Variants in MUS81 observed in about 807,000 individuals in gnomAD.
MUS81 encodes structure-specific endonuclease subunit MUS81.
Under a neutral mutation model 74.2 loss-of-function variants are expected in MUS81, and 69 were observed. The observed-to-expected ratio is 0.93, with a 90% CI of 0.77 to 1.14. The LOEUF (loss-of-function observed/expected upper bound fraction) is 1.14, where lower values mean the gene tolerates loss of function less well. MUS81 is among the 50% of genes most tolerant of loss of function. The probability of loss-of-function intolerance (pLI) is 0.00; values close to 1 mark genes in which losing one functional copy is unlikely to be tolerated. For synonymous variants in MUS81, 303 were observed against 300.6 expected (o/e 1.01, Z -0.08); for missense variants, 711 against 726.5 (o/e 0.98, Z 0.25).
In MUS81 at chr11:65,864,052, C is replaced by G. The variant is rs540943866; in HGVS notation, c.1059+151C>G. 13 of 727,998 alleles carry G rather than the reference C, an allele frequency of 1.8e-5. No homozygotes were observed. In the African/African-American group the frequency reaches 2.3e-4, roughly 13 times the overall value. 45.1% of individuals were successfully genotyped at this position (727,998 alleles called of 1,614,324 possible). On this transcript the variant is annotated intron_variant, in intron 10 of 15. Transcript: ENST00000308110. ...CCCTGTGGCTGCTCCAGGATCAGAC[C>G]CCCACAGGCCCATCCAGGCGCACAG...
rs1168485557 is a variant in MUS81 at position 65,863,870 on chromosome 11, G to T, written c.1028G>T (p.Ser343Ile). Reference sequence around the variant, plus strand: ...AAGCGACTGGATGACCTTTGCAGCAGCATCATCGACGGCCGCTTCCGGGAG... The same window carrying T: ...AAGCGACTGGATGACCTTTGCAGCATCATCATCGACGGCCGCTTCCGGGAG... ...ERKRLDDLCS[S>I]IIDGRFREQK... The change falls in exon 10 of 16, where the codon AGC becomes ATC. Residue 343 changes from serine to isoleucine, a missense_variant. Coordinates refer to ENST00000308110, the MANE Select transcript of MUS81 (RefSeq NM_025128.5). The T allele has an allele frequency of 1.2e-6, 2 of 1,614,056 alleles. No individual in the cohort carries two copies. Among genetic ancestry groups the T allele is most frequent in the African/African-American group, 2.7e-5 (2 of 74,930 alleles).
chr11:65,865,228 G>A lies in MUS81; in HGVS notation c.1410G>A (p.Ser470=), dbSNP rs749479231. ...CCCTTTCCCGAACCCAGGCCCAGTC[G>A]GTGCGAGAAGTGTTTGCCCGGCAGC... ...NAGAIKNKAQ[S]VREVFARQLM... Residue 470 remains serine, a synonymous_variant, in exon 14 of 16, where the codon TCG becomes TCA. Coordinates refer to ENST00000308110, the MANE Select transcript of MUS81 (RefSeq NM_025128.5). The A allele has an allele frequency of 8.7e-6, 14 of 1,614,006 alleles. No homozygotes were observed. Among genetic ancestry groups the A allele is most frequent in the Admixed American group, 3.3e-5 (2 of 60,002 alleles).
chr11:65,866,493 G>T (rs1274659017), downstream of MUS81: 1 of 702,696 alleles, frequency 1.4e-6, no homozygotes, highest in Admixed American at 2.0e-5. Flanking sequence ...GAACTACTAG[G>T]GCTTATCCAA....
At position 65,864,688 on chromosome 11, in the gene MUS81, C is replaced by G. The variant is rs770495082; in HGVS notation, c.1177-32C>G. On this transcript the variant is annotated intron_variant, in intron 11 of 15. Transcript: ENST00000308110. Reference sequence around the variant, plus strand: ...CATGGTTCATGGTCTAGGCCAGGAGCCACCTTCCCTCTCTTGGGTCCTCTT... The same window carrying G: ...CATGGTTCATGGTCTAGGCCAGGAGGCACCTTCCCTCTCTTGGGTCCTCTT... 3.1e-6 allele frequency: 5 copies of G among 1,613,128 alleles called. No individual in the cohort carries two copies. In the South Asian group the frequency reaches 5.5e-5, roughly 18 times the overall value.
chr11:65,860,608 T>G lies in MUS81; in HGVS notation c.-146T>G. 3 of 1,157,244 alleles carry G rather than the reference T, an allele frequency of 2.6e-6. No individual in the cohort carries two copies. The highest frequency in any genetic ancestry group is 3.7e-6 in the Non-Finnish European group (3 of 813,348). The allele number at this position is 1,157,244 out of a possible 1,614,324, so 71.7% of individuals were successfully genotyped here. ...CTCCTCTCGTTAGTGCCCCCTGTGTTTGGGGCCCCGTGATCTCAACGGTCC... is the reference window on the plus strand; with the variant it reads ...CTCCTCTCGTTAGTGCCCCCTGTGTGTGGGGCCCCGTGATCTCAACGGTCC... On this transcript the variant is annotated 5_prime_UTR_variant, in exon 1 of 16. Coordinates refer to ENST00000308110, the MANE Select transcript of MUS81 (RefSeq NM_025128.5).
chr11:65,865,055 G>A lies in MUS81; in HGVS notation c.1311G>A (p.Gly437=). The A allele has an allele frequency of 1.2e-6, 2 of 1,613,990 alleles. No homozygotes were observed. Among genetic ancestry groups the A allele is most frequent in the Non-Finnish European group, 1.7e-6 (2 of 1,180,006 alleles). The change falls in exon 13 of 16, where the codon GGG becomes GGA. Residue 437 remains glycine, a synonymous_variant. Coordinates refer to ENST00000308110, the MANE Select transcript of MUS81 (RefSeq NM_025128.5). ...TLRSRPWGTP[G]NPESGAMTSP... ...GCAGCCGCCCCTGGGGAACCCCTGG[G>A]AACCCTGAATCAGGGGCCATGACCT...
Position 65,864,524 on chromosome 11 carries a change from C to T in MUS81, c.1087C>T (p.Arg363Cys), listed in dbSNP as rs766623994. ...KFRLKRCGLERRVYLVEEHGS... is the reference protein window; with the variant it reads ...KFRLKRCGLECRVYLVEEHGS... ...CCGGCTGAAGCGCTGTGGTCTGGAG[C>T]GCCGGGTATACCTGGTGGAAGAGCA... The change falls in exon 11 of 16, where the codon CGC (arginine) becomes TGC (cysteine). Residue 363 changes from arginine to cysteine, a missense_variant. Arg to Cys is a radical substitution (Grantham distance 180). Transcript: ENST00000308110. 1.5e-5 allele frequency: 25 copies of T among 1,614,040 alleles called. No homozygotes were observed. Among genetic ancestry groups the T allele is most frequent in the African/African-American group, 5.3e-5 (4 of 74,938 alleles).
Position 65,860,545 on chromosome 11 carries a change from C to T in MUS81, c.-209C>T. On this transcript the variant is annotated 5_prime_UTR_variant, in exon 1 of 16. Transcript: ENST00000308110. ...TAGAGACAGCGCCCCTGACCAACCA[C>T]TTAGAGCAGCGCAGGGGTGGGAGGG... is the stretch of plus-strand genomic sequence containing the variant. The T allele has an allele frequency of 3.1e-6, 2 of 647,542 alleles. No individual in the cohort carries two copies. Among genetic ancestry groups the T allele is most frequent in the South Asian group, 1.9e-5 (1 of 54,018 alleles). 40.1% of individuals were successfully genotyped at this position (647,542 alleles called of 1,614,324 possible).
chr11:65,865,744 GCCCC>G, intron 14 of MUS81, 63 bp from the exon 15 acceptor site: 2 of 1,504,358 alleles, frequency 1.3e-6, no homozygotes, highest in South Asian at 2.3e-5. Flanking sequence ...CCTCTGCCTG[GCCCC>G]TCATGGTGCT....
intron 3 of MUS81, chr11:65,861,645 A>G (rs922211139): frequency 9.9e-6 from 6 of 606,310 alleles, no homozygotes; most frequent in Non-Finnish European, 1.7e-5. Context: ...CAAGCTACTT[A>G]AGGATCCCAG....
Position 65,860,954 on chromosome 11 carries a change from C to A in MUS81, c.136-19C>A, listed in dbSNP as rs747280900. ...GGTCAGGCCTGCCCTGACCAGGTAC[C>A]CTACCCCTGCCCGGCCAGGCGCTGC... is the stretch of plus-strand genomic sequence containing the variant. On this transcript the variant is annotated intron_variant, in intron 1 of 15. Coordinates refer to ENST00000308110, the MANE Select transcript of MUS81 (RefSeq NM_025128.5). 2 of 1,610,804 alleles carry A rather than the reference C, an allele frequency of 1.2e-6. No individual in the cohort carries two copies. Among genetic ancestry groups the A allele is most frequent in the African/African-American group, 2.7e-5 (2 of 74,908 alleles).
At position 65,864,538 on chromosome 11, in the gene MUS81, G is replaced by A; in HGVS notation, c.1101G>A (p.Leu367=). ...KRCGLERRVY[L]VEEHGSVHNL... The stretch of plus-strand genomic sequence containing the variant: ...GTGGTCTGGAGCGCCGGGTATACCT[G>A]GTGGAAGAGCATGGTTCCGTCCACA... The change falls in exon 11 of 16, where the codon CTG becomes CTA. Residue 367 remains leucine, a synonymous_variant. Coordinates refer to ENST00000308110, the MANE Select transcript of MUS81 (RefSeq NM_025128.5). 1.2e-6 allele frequency: 2 copies of A among 1,614,180 alleles called. No homozygotes were observed. The highest frequency in any genetic ancestry group is 1.7e-6 in the Non-Finnish European group (2 of 1,180,024).
rs777744204 is a variant in MUS81 at position 65,862,539 on chromosome 11, A to C, written c.605+10A>C. ...CACACCAGCCAGCCAGGTGGGGCCA[A>C]CTGCAGGAGATACAGGAGAGCATGA... On this transcript the variant is annotated intron_variant, in intron 6 of 15. Transcript: ENST00000308110. 1.7e-4 allele frequency: 278 copies of C among 1,612,540 alleles called. No individual in the cohort carries two copies. Among genetic ancestry groups the C allele is most frequent in the Non-Finnish European group, 2.3e-4 (275 of 1,179,266 alleles).
rs1859692525 is a variant in MUS81, at chr11:65,863,481, T to A, written c.818T>A (p.Val273Glu). The A allele has an allele frequency of 6.2e-7, 1 of 1,613,880 alleles. No individual in the cohort carries two copies. The highest frequency in any genetic ancestry group is 8.5e-7 in the Non-Finnish European group (1 of 1,179,974). Reference protein sequence around the residue: ...RPGEYRVLLCVDIGETRGGGH... With the variant: ...RPGEYRVLLCEDIGETRGGGH... ...GGAGAGTACAGGGTGCTGTTGTGTG[T>A]GGACATTGGCGAGACCCGGGGGTGA... Residue 273 changes from valine (V) to glutamate (E), a missense_variant, in exon 8 of 16, where the codon GTG (valine) becomes GAG (glutamate). Physicochemically the swap from Val to Glu is moderately radical, Grantham distance 121. Coordinates refer to ENST00000308110, the MANE Select transcript of MUS81 (RefSeq NM_025128.5).
chr11:65,864,142 C>T (rs1007047014), intron 10 of MUS81: 6 of 597,258 alleles, frequency 1.0e-5, no homozygotes, highest in Non-Finnish European at 1.8e-5. Flanking sequence ...TCTTGGGTAC[C>T]CAGCCCCTGC....
In MUS81 at chr11:65,862,435, G is replaced by C. The variant is rs762392238; in HGVS notation, c.520-9G>C. ...GGTGCTCTCTGAGGGTCTCTTTTCT[G>C]ATCCACAGGTAGCCCCTGGGAGTGC... On this transcript the variant is annotated splice_polypyrimidine_tract_variant and intron_variant, in intron 5 of 15. Transcript: ENST00000308110. The C allele has an allele frequency of 3.7e-6, 6 of 1,612,344 alleles. No homozygotes were observed. The African/African-American group carries it at 8.0e-5, about 22-fold the overall frequency.
chr11:65,861,601 A>G, intron 3 of MUS81, 166 bp downstream of exon 3: 2 of 625,610 alleles, frequency 3.2e-6, no homozygotes, highest in South Asian at 2.0e-5. Flanking sequence ...GTGAATAGAA[A>G]TATTGGTAAC....
rs1249637273 is a variant in MUS81, at chr11:65,860,871, C to T, written c.118C>T (p.Arg40Cys). The T allele has an allele frequency of 6.4e-7, 1 of 1,564,844 alleles. No homozygotes were observed. Among genetic ancestry groups the T allele is most frequent in the Non-Finnish European group, 8.6e-7 (1 of 1,157,908 alleles). ...GGCGACCCGCAGCAGGCGCCGCACG[C>T]GCTTCGTATTTCAGAAGGTGGGTCC... The part of the protein sequence containing the change: ...DEATRSRRRT[R>C]FVFQKALRSL... The change falls in exon 1 of 16, where the codon CGC becomes TGC. Residue 40 changes from arginine (R) to cysteine (C), a missense_variant. Physicochemically the swap from Arg to Cys is radical, Grantham distance 180 (BLOSUM62 -3). Coordinates refer to ENST00000308110, the MANE Select transcript of MUS81 (RefSeq NM_025128.5).
At chr11:65,861,169 G>C in intron 2 of MUS81, 67 bp downstream of exon 2, 1 of 1,605,998 alleles carries the variant, frequency 6.2e-7, no homozygotes, top group South Asian at 1.1e-5. Context: ...TACTCTCCTG[G>C]GAGCCCTTGG....
Sources: gnomAD v4.1 joint callset for allele counts on GRCh38, gnomAD v4.1.1 for gene constraint, MANE v1.5 for transcripts, NCBI Gene and HGNC (gene_info 2026-07-23, HGNC 2026-07-21) for gene names.